Variants in WIZ observed in about 807,000 individuals in gnomAD.
WIZ encodes protein Wiz.
In WIZ, 25 loss-of-function variants were observed where a neutral mutation model predicts 140.2. The observed-to-expected ratio is 0.18, with a 90% CI of 0.13 to 0.25. The LOEUF is 0.25. Ranked by LOEUF, WIZ falls within the 10% of genes least tolerant of loss-of-function variation. The pLI is 1.00. For synonymous variants in WIZ, 1,125 were observed against 1,154.3 expected (o/e 0.97, Z 0.51); for missense variants, 2,231 against 2,632.6 (o/e 0.85, Z 3.34).
At chr19:15,432,474 C>G in intron 5 of WIZ, 2 of 981,336 alleles carry the variant, frequency 2.0e-6, no homozygotes, top group Non-Finnish European at 2.4e-6. Context: ...CCGGCTCCGG[C>G]TCGGCCTTGG....
Position 15,440,804 on chromosome 19 carries a change from A to G in WIZ, c.279-89T>C, listed in dbSNP as rs1419403153. The stretch of plus-strand genomic sequence containing the variant: ...GATGGGGGTCCTCCCAGGCCGTTTG[A>G]AGCAGGCCCCGGAGATCCAGCCCGA... On this transcript the variant is annotated intron_variant, in intron 3 of 12. Coordinates refer to ENST00000673675, the MANE Select transcript of WIZ (RefSeq NM_001371589.1). The surrounding 1 kb of genome is among the most constrained non-coding windows in gnomAD (Gnocchi z 6.2). 1 of 1,347,684 alleles carries G rather than the reference A, an allele frequency of 7.4e-7. No homozygotes were observed. Among genetic ancestry groups the G allele is most frequent in the African/African-American group, 1.5e-5 (1 of 67,906 alleles). 83.5% of individuals were successfully genotyped at this position (1,347,684 alleles called of 1,614,324 possible). A position where few individuals can be genotyped will look rare whatever the true frequency, so the allele number is the denominator to read the frequency against.
At position 15,427,113 on chromosome 19, in the gene WIZ, T is replaced by C. The variant is rs769326931; in HGVS notation, c.4235A>G (p.Lys1412Arg). 1.2e-6 allele frequency: 2 copies of C among 1,614,178 alleles called. No individual in the cohort carries two copies. Among genetic ancestry groups the C allele is most frequent in the Admixed American group, 1.7e-5 (1 of 60,028 alleles). ...CCGTATTTGTTCAGGCTTCAGCTTCTTGGGCAAGGAGGGTGCAGCCAGGCC... is the reference window on the plus strand; with the variant it reads ...CCGTATTTGTTCAGGCTTCAGCTTCCTGGGCAAGGAGGGTGCAGCCAGGCC... ...FPGLAAPSLP[K>R]KLKPEQIRVE... is the part of the protein sequence containing the mutation. Residue 1412 changes from lysine to arginine, a missense_variant, in exon 9 of 13, where the codon AAG becomes AGG. Coordinates refer to ENST00000673675, the MANE Select transcript of WIZ (RefSeq NM_001371589.1). The surrounding 1 kb of genome is among the most constrained non-coding windows in gnomAD (Gnocchi z 6.4).
rs538864326 is a variant in WIZ at position 15,440,306 on chromosome 19, C to T, written c.688G>A (p.Asp230Asn). The change falls in exon 4 of 13, where the codon GAC becomes AAC. Residue 230 changes from aspartate to asparagine, a missense_variant. Physicochemically the swap from Asp to Asn is conservative, Grantham distance 23. Around this residue, in one of 15 missense-constraint regions of WIZ, gnomAD observed 307 missense variants for 294.1 expected, o/e 1.04. Coordinates refer to ENST00000673675, the MANE Select transcript of WIZ (RefSeq NM_001371589.1). This position sits in a 1 kb window ranked among gnomAD's most constrained non-coding sequence, Gnocchi z 6.2. The stretch of plus-strand genomic sequence containing the variant: ...TCTCTGCCACCCACCACCGCCATGT[C>T]CAGCGTCTTCGGGGTGTCTTCCACT... ...VPVEDTPKTL[D>N]MAVVGGREDL... The T allele has an allele frequency of 2.7e-5, 41 of 1,510,006 alleles. No individual in the cohort carries two copies. In the Middle Eastern group the frequency reaches 1.7e-3, roughly 63 times the overall value. The allele number at this position is 1,510,006 out of a possible 1,614,324, so 93.5% of individuals were successfully genotyped here. A position where few individuals can be genotyped will look rare whatever the true frequency, so the allele number is the denominator to read the frequency against.
chr19:15,438,269 G>C (rs1025988071), intron 4 of WIZ, among the ~76,000 whole-genome samples: 6 of 152,234 alleles, frequency 3.9e-5, no homozygotes, highest in Non-Finnish European at 8.8e-5. Flanking sequence ...GTCCACTGCT[G>C]TGTCCCCAGG....
At chr19:15,449,653 G>GC (rs1265747652) in intron 1 of WIZ, 145 bp downstream of exon 1, 1 of 38,872 alleles carries the variant, frequency 2.6e-5, no homozygotes, top group Non-Finnish European at 5.6e-5. Flanking sequence ...GCACGGCCCC[G>GC]CCCCCGGCCA....
intron 4 of WIZ, 143 bp from the exon 5 acceptor site, chr19:15,437,272 A>G (rs1055349839): frequency 2.6e-6 from 2 of 766,054 alleles, no homozygotes; most frequent in African/African-American, 3.7e-5. Context: ...CTCAGCTCTC[A>G]GCTCGTGCAT....
chr19:15,445,588 G>A (rs1452860637), intron 2 of WIZ, among the ~76,000 whole-genome samples: 1 of 152,058 alleles, frequency 6.6e-6, no homozygotes, highest in African/African-American at 2.4e-5. Context: ...CCCCAGGCTG[G>A]GGCCTCAAGA....
Position 15,440,770 on chromosome 19 carries a change from T to C in WIZ, c.279-55A>G, listed in dbSNP as rs1400654149. On this transcript the variant is annotated intron_variant, in intron 3 of 12. Transcript: ENST00000673675. This position sits in a 1 kb window ranked among gnomAD's most constrained non-coding sequence, Gnocchi z 6.2. Reference sequence around the variant, plus strand: ...AGCCATGGGCTGCAGTTTTCCTTCCTAGGGTGGTGATGGGGGTCCTCCCAG... The same window carrying C: ...AGCCATGGGCTGCAGTTTTCCTTCCCAGGGTGGTGATGGGGGTCCTCCCAG... 1.4e-6 allele frequency: 2 copies of C among 1,432,222 alleles called. No individual in the cohort carries two copies. The highest frequency in any genetic ancestry group is 2.9e-5 in the African/African-American group (2 of 69,610). 88.7% of individuals were successfully genotyped at this position (1,432,222 alleles called of 1,614,324 possible).
intron 4 of WIZ, among the ~76,000 whole-genome samples, chr19:15,438,360 T>G (rs909029538): frequency 2.6e-5 from 4 of 152,208 alleles, no homozygotes; most frequent in Admixed American, 1.3e-4. Context: ...TGAGGCTGAC[T>G]CTTCTACCCA....
chr19:15,449,645 AC>A (rs1225833978), intron 1 of WIZ, 152 bp downstream of exon 1: 1 of 63,052 alleles, frequency 1.6e-5, no homozygotes, highest in Non-Finnish European at 3.4e-5. Flanking sequence ...CCCCACCTGC[AC>A]GGCCCCGCCC....
chr19:15,428,832 A>G lies in WIZ; in HGVS notation c.3416-324T>C, dbSNP rs530897179. ...GGGGGCGATGGTGGCTGCTGGGCTC[A>G]CGCAGCCAAGGGCACACCTGCTCAA... On this transcript the variant is annotated intron_variant, in intron 7 of 12. Coordinates refer to ENST00000673675, the MANE Select transcript of WIZ (RefSeq NM_001371589.1). This position sits in a 1 kb window ranked among gnomAD's most constrained non-coding sequence, Gnocchi z 6.4. Among the ~76,000 whole-genome samples the G allele has an allele frequency of 3.7e-4, 57 of 152,268 alleles. No homozygotes were observed. Among genetic ancestry groups the G allele is most frequent in the African/African-American group, 1.3e-3 (55 of 41,542 alleles).
rs138785357 is a variant in WIZ, at chr19:15,420,355, T to C, written c.*2721A>G. The C allele has an allele frequency of 2.6e-5, 4 of 152,372 alleles. No homozygotes were observed. Among genetic ancestry groups the C allele is most frequent in the Admixed American group, 6.5e-5 (1 of 15,306 alleles). 9.4% of individuals were successfully genotyped at this position (152,372 alleles called of 1,614,324 possible). ...CCATACGGAACAAAGCCACTTCTGA[T>C]GTGTTAAGTGAGCAAACTCCAAACA... On this transcript the variant is annotated 3_prime_UTR_variant, in exon 13 of 13. Transcript: ENST00000673675.
At chr19:15,436,612 G>A in intron 5 of WIZ, 194 bp downstream of exon 5, 3 of 557,260 alleles carry the variant, frequency 5.4e-6, no homozygotes, top group Non-Finnish European at 8.9e-6. Context: ...AAGAGACCTG[G>A]CCCAGATCCT....
Position 15,442,540 on chromosome 19 carries a change from G to C in WIZ, c.278+136C>G. ...ACACGCCCAGGGGCTTGCCTGCCGG[G>C]AGCTGACTCCTCCTCCTGCCTGGCC... On this transcript the variant is annotated intron_variant, in intron 3 of 12. Coordinates refer to ENST00000673675, the MANE Select transcript of WIZ (RefSeq NM_001371589.1). The surrounding 1 kb of genome is among the most constrained non-coding windows in gnomAD (Gnocchi z 5.5). 1 of 612,872 alleles carries C rather than the reference G, an allele frequency of 1.6e-6. No individual in the cohort carries two copies. Among genetic ancestry groups the C allele is most frequent in the Non-Finnish European group, 2.4e-6 (1 of 423,592 alleles). 38.0% of individuals were successfully genotyped at this position (612,872 alleles called of 1,614,324 possible).
Position 15,427,054 on chromosome 19 carries a change from G to A in WIZ, c.4294C>T (p.Leu1432Phe). The A allele has an allele frequency of 6.2e-7, 1 of 1,614,178 alleles. No homozygotes were observed. Among genetic ancestry groups the A allele is most frequent in the Non-Finnish European group, 8.5e-7 (1 of 1,180,022 alleles). ...TCAGATGGGTGCAGTTCCCCATGAA[G>A]GGCCCCCGGCAGCATCTCCCGCTTG... ...EIKREMLPGALHGELHPSEGP... is the reference protein window; with the variant it reads ...EIKREMLPGAFHGELHPSEGP... Residue 1432 changes from leucine (L) to phenylalanine (F), a missense_variant, in exon 9 of 13, where the codon CTT (leucine) becomes TTT (phenylalanine). Physicochemically the swap from Leu to Phe is conservative, Grantham distance 22. This residue lies in a region of WIZ where 393 missense variants were observed against 451.7 expected (regional missense o/e 0.87). Transcript: ENST00000673675. The surrounding 1 kb of genome is among the most constrained non-coding windows in gnomAD (Gnocchi z 6.4).
At chr19:15,425,804 G>T in intron 9 of WIZ, 36 bp from the exon 10 acceptor site, 2 of 1,123,966 alleles carry the variant, frequency 1.8e-6, no homozygotes, top group Non-Finnish European at 2.3e-6. Context: ...AGGAGGAGGA[G>T]GAGGAGGAGG....
rs377041309 is a variant in WIZ at position 15,427,074 on chromosome 19, C to T, written c.4274G>A (p.Arg1425Gln). ...KPEQIRVEIK[R>Q]EMLPGALHGE... ...ATGAAGGGCCCCCGGCAGCATCTCC[C>T]GCTTGATCTCCACCCGTATTTGTTC... Residue 1425 changes from arginine to glutamine, a missense_variant, in exon 9 of 13, where the codon CGG (arginine) becomes CAG (glutamine). By Grantham distance (43) the Arg-to-Gln change is conservative (BLOSUM62 1). This residue lies in a region of WIZ where 393 missense variants were observed against 451.7 expected (regional missense o/e 0.87). Coordinates refer to ENST00000673675, the MANE Select transcript of WIZ (RefSeq NM_001371589.1). This position sits in a 1 kb window ranked among gnomAD's most constrained non-coding sequence, Gnocchi z 6.4. 29 of 1,614,086 alleles carry T rather than the reference C, an allele frequency of 1.8e-5. No homozygotes were observed. The African/African-American group carries it at 1.9e-4, about 10-fold the overall frequency.
intron 2 of WIZ, among the ~76,000 whole-genome samples, chr19:15,447,350 AG>A (rs1360960329): frequency 6.6e-6 from 1 of 152,180 alleles, no homozygotes; most frequent in African/African-American, 2.4e-5. Context: ...TCTATCAGGG[AG>A]GGTCTCCCAG....
chr19:15,436,048 C>T (rs1036091980), intron 5 of WIZ, among the ~76,000 whole-genome samples: 6 of 152,090 alleles, frequency 3.9e-5, no homozygotes, highest in African/African-American at 7.2e-5. Context: ...ACTTGAACCC[C>T]GGAGGCGGAG....
Sources: allele counts gnomAD v4.1 joint callset (sites outside exome capture counted in the v4.1 genomes callset), GRCh38; gene constraint gnomAD v4.1.1; regional missense constraint gnomAD v4.1.1; non-coding constraint Gnocchi (gnomAD v3.1); transcripts MANE v1.5; gene names NCBI Gene and HGNC (gene_info 2026-07-23, HGNC 2026-07-21).